Variants in ELAC2 observed in about 807,000 individuals in gnomAD.
The protein encoded by ELAC2 is elaC ribonuclease Z 2, also known as zinc phosphodiesterase ELAC protein 2.
ELAC2 carries 92 observed loss-of-function variants against 105.2 expected under a neutral mutation model. The observed-to-expected ratio is 0.87, with a 90% CI of 0.74 to 1.04. The LOEUF is 1.04. Ranked by LOEUF, ELAC2 falls within the 50% of genes least tolerant of loss-of-function variation. ELAC2 has a pLI of 0.00. For missense variants in ELAC2, 1,099 were observed against 1,071.7 expected (o/e 1.03, Z -0.36); for synonymous variants, 468 against 409.1 (o/e 1.14, Z -1.74).
At chr17:13,015,635 C>T (rs1308708937) in intron 4 of ELAC2, 133 bp downstream of exon 4, 3 of 753,212 alleles carry the variant, frequency 4.0e-6, no homozygotes, top group Admixed American at 4.2e-5. Context: ...GTCTTTTTAA[C>T]TTGAAAGGGG....
intron 14 of ELAC2, among the ~76,000 whole-genome samples, chr17:13,001,820 C>T (rs1296410573): frequency 6.6e-6 from 1 of 152,172 alleles, no homozygotes; most frequent in East Asian, 1.9e-4. Flanking sequence ...TTACTTAAGA[C>T]TGTTTAGTGA....
Position 13,003,417 on chromosome 17 carries a change from AAAGGG to A in ELAC2, c.1079+57_1079+61del, listed in dbSNP as rs573877193. On this transcript the variant is annotated intron_variant, in intron 12 of 23. Transcript: ENST00000338034. ...GCGCTGGAAAGAGCACGAGGGGAGG[AAAGGG>A]GAATCCACCACTGCCCAGAAGAGTT... is the stretch of plus-strand genomic sequence containing the variant. 8.8e-4 allele frequency: 1,305 copies of A among 1,479,010 alleles called. 27 individuals are homozygous for A. The South Asian group carries it at 0.014, about 16-fold the overall frequency. The allele number at this position is 1,479,010 out of a possible 1,614,324, so 91.6% of individuals were successfully genotyped here. A position where few individuals can be genotyped will look rare whatever the true frequency, so the allele number is the denominator to read the frequency against.
At chr17:13,010,323 A>C (rs2041347153) in intron 8 of ELAC2, among the ~76,000 whole-genome samples, 1 of 152,088 alleles carries the variant, frequency 6.6e-6, no homozygotes, top group Admixed American at 6.5e-5. Flanking sequence ...GGCATGCGCC[A>C]CCACACCCAG....
rs764484752 is a variant in ELAC2 at position 13,017,708 on chromosome 17, G to A, written c.240C>T (p.Phe80=). The change falls in exon 1 of 24, where the codon TTC becomes TTT. Residue 80 remains phenylalanine (F), a synonymous_variant. Transcript: ENST00000338034. The part of the protein sequence containing the change: ...SGAALYVFSE[F]NRYLFNCGEG... ...GGCGTGGCTCGTTGACTGACCGGTT[G>A]AACTCGGAGAAGACGTAGAGCGCGG... 1.1e-5 allele frequency: 18 copies of A among 1,612,980 alleles called. No homozygotes were observed. The Admixed American group carries it at 1.5e-4, about 13-fold the overall frequency.
chr17:12,995,871 T>G lies in ELAC2; in HGVS notation c.1699-59A>C. 10 of 1,584,590 alleles carry G rather than the reference T, an allele frequency of 6.3e-6. No individual in the cohort carries two copies. In the South Asian group the frequency reaches 8.0e-5, roughly 13 times the overall value. On this transcript the variant is annotated intron_variant, in intron 18 of 23. Coordinates refer to ENST00000338034, the MANE Select transcript of ELAC2 (RefSeq NM_018127.7). ...CAGAACATCTCAATAAAAACTGGAG[T>G]GCCAAGAGGCATGGCGGATGATGTG... is the stretch of plus-strand genomic sequence containing the variant.
chr17:12,994,526 A>G, intron 21 of ELAC2, 23 bp from the exon 22 acceptor site: 1 of 1,614,072 alleles, frequency 6.2e-7, no homozygotes, highest in Non-Finnish European at 8.5e-7. Flanking sequence ...CACAAGGATC[A>G]GGGCAGAGTT....
rs761967944 is a variant in ELAC2, at chr17:12,994,763, C to G, written c.2029+1G>C. On this transcript the variant is annotated splice_donor_variant, in intron 21 of 23. Transcript: ENST00000338034. LOFTEE classifies it high-confidence loss of function. ...GGTGGCTTGCTTCTTCCTCTACTCA[C>G]CCATCCGGACCAGAGCCTCGCAGGG... The G allele has an allele frequency of 6.2e-7, 1 of 1,613,944 alleles. No individual in the cohort carries two copies. The highest frequency in any genetic ancestry group is 8.5e-7 in the Non-Finnish European group (1 of 1,180,044).
chr17:12,996,512 C>T, intron 17 of ELAC2, 35 bp downstream of exon 17: 1 of 1,613,180 alleles, frequency 6.2e-7, no homozygotes, highest in Non-Finnish European at 8.5e-7. Context: ...GTGCCTCCTC[C>T]AGGCTCCAGC....
At chr17:13,014,715 G>C (rs1248483637) in intron 4 of ELAC2, among the ~76,000 whole-genome samples, 2 of 152,204 alleles carry the variant, frequency 1.3e-5, no homozygotes, top group African/African-American at 4.8e-5. Flanking sequence ...AATCAGGCCA[G>C]TGGAGGAGAC....
At chr17:12,998,942 G>C (rs1013158441) in intron 15 of ELAC2, among the ~76,000 whole-genome samples, 9 of 152,176 alleles carry the variant, frequency 5.9e-5, no homozygotes, top group African/African-American at 1.9e-4. Flanking sequence ...GCAGAACCGT[G>C]AACTAAATAC....
intron 12 of ELAC2, chr17:13,002,825 T>C (rs1010817124): frequency 2.4e-5 from 14 of 574,718 alleles, no homozygotes; most frequent in Admixed American, 2.3e-4. Context: ...AAAAAGAAGA[T>C]GTCCAGGGCA....
chr17:13,001,353 G>A (rs60981613), intron 14 of ELAC2, among the ~76,000 whole-genome samples: 40,556 of 151,888 alleles, frequency 0.27, 5,666 homozygotes, highest in Middle Eastern at 0.33. Context: ...TTAGCCGGGC[G>A]TGGTAGCAGG....
At position 12,996,076 on chromosome 17, in the gene ELAC2, G is replaced by A. The variant is rs1195074707; in HGVS notation, c.1660-98C>T. 6.3e-5 allele frequency: 84 copies of A among 1,341,042 alleles called. 1 individual carries two copies. The highest frequency in any genetic ancestry group is 7.9e-5 in the Admixed American group (4 of 50,772). 83.1% of individuals were successfully genotyped at this position (1,341,042 alleles called of 1,614,324 possible). ...TCTCTCTTGCAGGAGTTGCCAGCCC[G>A]ACGTCACCCACCAGCCTCTAACACA... On this transcript the variant is annotated intron_variant, in intron 17 of 23. Coordinates refer to ENST00000338034, the MANE Select transcript of ELAC2 (RefSeq NM_018127.7).
At position 12,994,960 on chromosome 17, in the gene ELAC2, T is replaced by C. The variant is rs1164400207; in HGVS notation, c.1908+3A>G. The C allele has an allele frequency of 6.2e-7, 1 of 1,614,150 alleles. No individual in the cohort carries two copies. The highest frequency in any genetic ancestry group is 8.5e-7 in the Non-Finnish European group (1 of 1,180,030). The stretch of plus-strand genomic sequence containing the variant: ...CCATGATGCCTGCGGCTGTGCCCCT[T>C]ACCTCTTCCAAATCACATGTTCGCA... On this transcript the variant is annotated splice_donor_region_variant and intron_variant, in intron 20 of 23. Coordinates refer to ENST00000338034, the MANE Select transcript of ELAC2 (RefSeq NM_018127.7).
chr17:13,005,901 G>A lies in ELAC2; in HGVS notation c.797+20C>T, dbSNP rs776897586. The A allele has an allele frequency of 4.6e-5, 74 of 1,613,990 alleles. No individual in the cohort carries two copies. The South Asian group carries it at 7.4e-4, about 16-fold the overall frequency. On this transcript the variant is annotated intron_variant, in intron 9 of 23. Transcript: ENST00000338034. ...AGGTGTACCCAGTGAGTCCCCAGAA[G>A]CCTTACCCCCCACACTCACACTGGG...
rs2040232939 is a variant in ELAC2 at position 12,992,451 on chromosome 17, A to C, written c.*367T>G. On this transcript the variant is annotated 3_prime_UTR_variant, in exon 24 of 24. Coordinates refer to ENST00000338034, the MANE Select transcript of ELAC2 (RefSeq NM_018127.7). ...TTTTCGTTAAGTCTCGGACACTTAG[A>C]CCCACTGATCCTGTTACTCTGCTTG... is the stretch of plus-strand genomic sequence containing the variant. 1.2e-5 allele frequency: 5 copies of C among 419,850 alleles called. No individual in the cohort carries two copies. In the South Asian group the frequency reaches 1.4e-4, roughly 11 times the overall value. 26.0% of individuals were successfully genotyped at this position (419,850 alleles called of 1,614,324 possible).
At chr17:13,017,392 C>A in intron 1 of ELAC2, 1 of 628,316 alleles carries the variant, frequency 1.6e-6, no homozygotes, top group Non-Finnish European at 2.7e-6. Flanking sequence ...CCACCCCACA[C>A]GCTAACAACG....
chr17:13,002,419 A>AG, intron 13 of ELAC2, 22 bp downstream of exon 13: 12 of 1,613,886 alleles, frequency 7.4e-6, no homozygotes, highest in Non-Finnish European at 1.0e-5. Flanking sequence ...TGGGCCGACA[A>AG]GGGGCCGGTC....
Position 13,005,057 on chromosome 17 carries a change from A to G in ELAC2, c.915T>C (p.Ala305=), listed in dbSNP as rs770689630. The G allele has an allele frequency of 1.2e-6, 2 of 1,614,196 alleles. No homozygotes were observed. The highest frequency in any genetic ancestry group is 1.7e-6 in the Non-Finnish European group (2 of 1,180,030). ...ELCTPPDPGA[A]FVVVECPDES... Reference sequence around the variant, plus strand: ...CATCTGGACATTCTACCACCACAAAAGCAGCACCAGGATCTGGAGGAGTAC... The same window carrying G: ...CATCTGGACATTCTACCACCACAAAGGCAGCACCAGGATCTGGAGGAGTAC... The change falls in exon 11 of 24, where the codon GCT becomes GCC. Residue 305 remains alanine (A), a synonymous_variant. Transcript: ENST00000338034.
Sources: gnomAD v4.1 joint callset for allele counts (sites outside exome capture counted in the v4.1 genomes callset) on GRCh38, gnomAD v4.1.1 for gene constraint, MANE v1.5 for transcripts, NCBI Gene and HGNC (gene_info 2026-07-23, HGNC 2026-07-21) for gene names.